The following MAML3 variants were observed in gnomAD, a reference collection of about 807,000 sequenced individuals.
MAML3 encodes mastermind-like protein 3.
MAML3 carries 27 observed loss-of-function variants against 101.9 expected under a neutral mutation model. That is an observed-to-expected ratio of 0.27 (90% CI 0.20 to 0.37). The LOEUF (loss-of-function observed/expected upper bound fraction) is 0.37. Among genes scored for constraint, MAML3 ranks in the 10% least tolerant of loss-of-function variants. MAML3 has a pLI of 1.00. For missense variants in MAML3, 1,316 were observed against 1,444.9 expected (o/e 0.91, Z 1.45); for synonymous variants, 501 against 555.9 (o/e 0.90, Z 1.39).
intron 2 of MAML3, among the ~76,000 whole-genome samples, chr4:139,814,351 G>A (rs1192531799): frequency 1.3e-5 from 2 of 152,182 alleles, no homozygotes; most frequent in Non-Finnish European, 2.9e-5. Flanking sequence ...ACAGAACTCT[G>A]TGATCTCAAG....
intron 1 of MAML3, among the ~76,000 whole-genome samples, chr4:139,892,676 A>G (rs1578651141): frequency 6.6e-6 from 1 of 152,014 alleles, no homozygotes; most frequent in East Asian, 1.9e-4. Flanking sequence ...TTTAGGTTAA[A>G]GTCCAAATCG....
At chr4:139,989,809 T>C (rs992158353) in intron 1 of MAML3, among the ~76,000 whole-genome samples, 12 of 150,760 alleles carry the variant, frequency 8.0e-5, no homozygotes, top group African/African-American at 2.9e-4. Context: ...TCTCTGCCCT[T>C]GGTACCACTG....
intron 2 of MAML3, among the ~76,000 whole-genome samples, chr4:139,769,916 CT>C (rs139445743): frequency 0.029 from 3,888 of 132,198 alleles, 68 homozygotes; most frequent in African/African-American, 0.052. Flanking sequence ...CGCCCAGCCT[CT>C]TTTTTTTTTT....
intron 2 of MAML3, among the ~76,000 whole-genome samples, chr4:139,842,346 A>G (rs1400062736): frequency 6.6e-6 from 1 of 152,218 alleles, no homozygotes; most frequent in Admixed American, 6.5e-5. Context: ...ATTTGTTGAC[A>G]TTATTATCCC....
At position 139,719,635 on chromosome 4, in the gene MAML3, C is replaced by T. The variant is rs759158839; in HGVS notation, c.3105G>A (p.Pro1035=). 1.3e-5 allele frequency: 21 copies of T among 1,612,134 alleles called. No individual in the cohort carries two copies. Among genetic ancestry groups the T allele is most frequent in the South Asian group, 2.2e-5 (2 of 90,770 alleles). ...TCGCCTGGCTGGTGCCTTGCTGCCC[C>T]GGGAGCGATGGCATCATCTGCCGAC... The part of the protein sequence containing the change: ...AMGRQMMPSL[P]GQQGTSQARP... The change falls in exon 5 of 5, where the codon CCG becomes CCA. Residue 1035 remains proline, a synonymous_variant. Coordinates refer to ENST00000509479, the MANE Select transcript of MAML3 (RefSeq NM_018717.5).
At chr4:140,043,991 T>C (rs1445151463) in intron 1 of MAML3, among the ~76,000 whole-genome samples, 2 of 152,090 alleles carry the variant, frequency 1.3e-5, no homozygotes, top group East Asian at 3.9e-4. Flanking sequence ...GTGCTCCTGA[T>C]AAAAAGGGAA....
intron 3 of MAML3, among the ~76,000 whole-genome samples, chr4:139,726,089 C>A (rs966004998): frequency 2.0e-5 from 3 of 152,338 alleles, no homozygotes; most frequent in Admixed American, 2.0e-4. Flanking sequence ...GTGCCCCTTC[C>A]AGTCATCACT....
At chr4:140,126,686 G>A (rs999640383) in intron 1 of MAML3, among the ~76,000 whole-genome samples, 2 of 152,120 alleles carry the variant, frequency 1.3e-5, no homozygotes, top group African/African-American at 4.8e-5. Flanking sequence ...CCAGACCTCT[G>A]GCTAAACTCT....
intron 1 of MAML3, among the ~76,000 whole-genome samples, chr4:139,938,742 C>T (rs1474743778): frequency 1.3e-5 from 2 of 152,134 alleles, no homozygotes; most frequent in Admixed American, 1.3e-4. Context: ...GCCACTTTTT[C>T]CCTGATAAAG....
At chr4:139,737,291 T>C (rs867074414) in intron 2 of MAML3, among the ~76,000 whole-genome samples, 6 of 152,120 alleles carry the variant, frequency 3.9e-5, no homozygotes, top group Admixed American at 6.5e-5. Flanking sequence ...GGCTTTCACC[T>C]GTATGTTTAA....
intron 1 of MAML3, among the ~76,000 whole-genome samples, chr4:140,151,044 A>G (rs1057284969): frequency 6.6e-6 from 1 of 152,016 alleles, no homozygotes. Flanking sequence ...AGCCGCGATG[A>G]AGCGGGCAGG....
chr4:140,113,051 G>A (rs1055390357), intron 1 of MAML3, among the ~76,000 whole-genome samples: 8 of 152,176 alleles, frequency 5.3e-5, no homozygotes, highest in Admixed American at 2.6e-4. Flanking sequence ...GAGCCAAGGC[G>A]GGCGGATCAC....
intron 2 of MAML3, among the ~76,000 whole-genome samples, chr4:139,883,194 A>G (rs1384026951): frequency 4.6e-5 from 7 of 152,196 alleles, no homozygotes; most frequent in Non-Finnish European, 8.8e-5. Flanking sequence ...GAACTTCAGG[A>G]GAGAAGGAAA....
At chr4:139,747,866 C>T (rs370352355) in intron 2 of MAML3, among the ~76,000 whole-genome samples, 9 of 151,768 alleles carry the variant, frequency 5.9e-5, no homozygotes, top group Admixed American at 5.3e-4. Context: ...CAAGCCTGAT[C>T]GATACAGTGA....
chr4:139,939,036 G>A (rs1269769101), intron 1 of MAML3, among the ~76,000 whole-genome samples: 2 of 152,152 alleles, frequency 1.3e-5, no homozygotes, highest in Non-Finnish European at 1.5e-5. Context: ...TTAAGTCTGC[G>A]GTCTACAAAC....
At chr4:140,029,268 T>A (rs554157691) in intron 1 of MAML3, among the ~76,000 whole-genome samples, 1 of 152,194 alleles carries the variant, frequency 6.6e-6, no homozygotes, top group Non-Finnish European at 1.5e-5. Flanking sequence ...GTACACTTGG[T>A]CACTTCCAGC....
At chr4:140,054,346 G>A (rs1403983218) in intron 1 of MAML3, among the ~76,000 whole-genome samples, 1 of 143,800 alleles carries the variant, frequency 7.0e-6, no homozygotes, top group African/African-American at 2.6e-5. Context: ...TGCGACCTGG[G>A]CAACAGAGGG....
At position 140,034,168 on chromosome 4, in the gene MAML3, C is replaced by T. The variant is rs923550603; in HGVS notation, c.468+118692G>A. On this transcript the variant is annotated intron_variant, in intron 1 of 4. Transcript: ENST00000509479. ...TCAGGATGGAGGCAAGACGAGGACC[C>T]AGGGTTTCTGCGTTCTTGTCTAGGA... 3.9e-5 allele frequency among the ~76,000 whole-genome samples: 6 copies of T among 152,286 alleles called. No individual in the cohort carries two copies. In the East Asian group the frequency reaches 1.2e-3, roughly 29 times the overall value.
intron 2 of MAML3, among the ~76,000 whole-genome samples, chr4:139,767,030 T>C (rs1484052231): frequency 6.6e-6 from 1 of 152,258 alleles, no homozygotes; most frequent in African/African-American, 2.4e-5. Flanking sequence ...GTGACTATTA[T>C]TGTCCACTTT....
Sources: gnomAD v4.1 joint callset for allele counts (sites outside exome capture counted in the v4.1 genomes callset) on GRCh38, gnomAD v4.1.1 for gene constraint, MANE v1.5 for transcripts, NCBI Gene and HGNC (gene_info 2026-07-23, HGNC 2026-07-21) for gene names.